The following EPHA3 variants were observed in gnomAD, a reference collection of about 807,000 sequenced individuals.
EPHA3 encodes the protein ephrin type-A receptor 3.
In EPHA3, 42 loss-of-function variants were observed where a neutral mutation model predicts 107.1. The ratio of observed to expected loss-of-function variants is 0.39; its 90% CI spans 0.31 to 0.51. The LOEUF is 0.51. Ranked by LOEUF, EPHA3 falls within the 20% of genes least tolerant of loss-of-function variation. The pLI, the probability that EPHA3 is intolerant of heterozygous loss-of-function variation, is 0.78. For missense variants in EPHA3, 1,183 were observed against 1,211.2 expected (o/e 0.98, Z 0.35); for synonymous variants, 461 against 424.8 (o/e 1.09, Z -1.05).
chr3:89,304,010 C>CT, intron 3 of EPHA3, among the ~76,000 whole-genome samples: 1 of 152,092 alleles, frequency 6.6e-6, no homozygotes, highest in East Asian at 1.9e-4. Context: ...AACTATTGAA[C>CT]ATCTTTAGAC....
intron 2 of EPHA3, among the ~76,000 whole-genome samples, chr3:89,129,105 A>C (rs1004113906): frequency 5.3e-5 from 8 of 152,204 alleles, no homozygotes; most frequent in African/African-American, 1.9e-4. Flanking sequence ...GTGACTCTTT[A>C]GCACATTGAA....
Position 89,429,110 on chromosome 3 carries a change from G to A in EPHA3, c.2079G>A (p.Lys693=). The change falls in exon 12 of 17, where the codon AAG becomes AAA. Residue 693 remains lysine (K), a synonymous_variant. Transcript: ENST00000336596. ...IRLEGVVTKS[K]PVMIVTEYME... is the part of the protein sequence containing the mutation. Reference sequence around the variant, plus strand: ...TATTATTTACTGTATATCTAGGTAAGCCAGTTATGATTGTCACAGAATACA... The same window carrying A: ...TATTATTTACTGTATATCTAGGTAAACCAGTTATGATTGTCACAGAATACA... 3 of 1,607,628 alleles carry A rather than the reference G, an allele frequency of 1.9e-6. No homozygotes were observed. Among genetic ancestry groups the A allele is most frequent in the Non-Finnish European group, 2.6e-6 (3 of 1,174,920 alleles).
chr3:89,368,645 T>A (rs186955108), intron 5 of EPHA3, among the ~76,000 whole-genome samples: 1 of 150,384 alleles, frequency 6.6e-6, no homozygotes, highest in Non-Finnish European at 1.5e-5. Flanking sequence ...AAAGATAGAT[T>A]TCCCAGCTCA....
chr3:89,407,998 A>T (rs979934354), intron 8 of EPHA3, 69 bp from the exon 9 acceptor site: 2 of 1,410,430 alleles, frequency 1.4e-6, no homozygotes, highest in Non-Finnish European at 2.0e-6. Flanking sequence ...TGCTTTGCAC[A>T]TTCTGAGCAT....
Position 89,479,410 on chromosome 3 carries a change from G to A in EPHA3, c.2860G>A (p.Val954Ile), listed in dbSNP as rs776665976. The change falls in exon 17 of 17, where the codon GTT (valine) becomes ATT (isoleucine). Residue 954 changes from valine (V) to isoleucine (I), a missense_variant. Physicochemically the swap from Val to Ile is conservative, Grantham distance 29 (BLOSUM62 3). Coordinates refer to ENST00000336596, the MANE Select transcript of EPHA3 (RefSeq NM_005233.6). ...AKISTDDMKK[V>I]GVTVVGPQKK... ...CTTTTTTTACAGTGACATGAAAAAG[G>A]TTGGTGTCACCGTGGTTGGGCCACA... is the stretch of plus-strand genomic sequence containing the variant. 2 of 1,613,896 alleles carry A rather than the reference G, an allele frequency of 1.2e-6. No individual in the cohort carries two copies. The highest frequency in any genetic ancestry group is 8.5e-7 in the Non-Finnish European group (1 of 1,179,766).
chr3:89,274,672 G>C (rs1316665179), intron 3 of EPHA3, among the ~76,000 whole-genome samples: 1 of 152,000 alleles, frequency 6.6e-6, no homozygotes, highest in Non-Finnish European at 1.5e-5. Flanking sequence ...AGAGCCATCA[G>C]TTTAATATAG....
intron 3 of EPHA3, among the ~76,000 whole-genome samples, chr3:89,264,903 A>T (rs973283764): frequency 9.2e-5 from 14 of 152,190 alleles, no homozygotes; most frequent in Admixed American, 9.2e-4. Flanking sequence ...ATGTACTCTT[A>T]TGCTTTAAAT....
chr3:89,149,925 T>A (rs1227736696), intron 2 of EPHA3, among the ~76,000 whole-genome samples: 1 of 151,940 alleles, frequency 6.6e-6, no homozygotes, highest in African/African-American at 2.4e-5. Flanking sequence ...ATAAACAAAT[T>A]AAATATTTAG....
chr3:89,115,175 A>G (rs1247539417), intron 1 of EPHA3, among the ~76,000 whole-genome samples: 1 of 151,772 alleles, frequency 6.6e-6, no homozygotes, highest in African/African-American at 2.4e-5. Flanking sequence ...TTCTAACCCT[A>G]TCCCTTTACT....
intron 11 of EPHA3, among the ~76,000 whole-genome samples, chr3:89,422,481 C>T (rs1415471037): frequency 3.3e-5 from 5 of 151,312 alleles, no homozygotes; most frequent in African/African-American, 4.8e-5. Context: ...CTGAAACAAC[C>T]TTACTCCTCT....
At chr3:89,187,266 A>G (rs1705589095) in intron 2 of EPHA3, among the ~76,000 whole-genome samples, 1 of 149,546 alleles carries the variant, frequency 6.7e-6, no homozygotes. Flanking sequence ...ATTAATATTT[A>G]TTTATGAATG....
At chr3:89,364,054 A>G (rs2107461709) in intron 5 of EPHA3, among the ~76,000 whole-genome samples, 1 of 150,898 alleles carries the variant, frequency 6.6e-6, no homozygotes. Flanking sequence ...TTTCATGTCA[A>G]CATTACCCTT....
At chr3:89,203,794 A>C (rs1265202181) in intron 2 of EPHA3, among the ~76,000 whole-genome samples, 2 of 151,834 alleles carry the variant, frequency 1.3e-5, no homozygotes, top group Non-Finnish European at 2.9e-5. Flanking sequence ...TAAATAAATA[A>C]AATAAAATAA....
At chr3:89,375,774 A>T (rs1246480967) in intron 5 of EPHA3, among the ~76,000 whole-genome samples, 2 of 151,952 alleles carry the variant, frequency 1.3e-5, no homozygotes, top group Non-Finnish European at 2.9e-5. Flanking sequence ...TTGTACAGAC[A>T]CAAACAAAAT....
At chr3:89,263,482 G>T (rs895199829) in intron 3 of EPHA3, among the ~76,000 whole-genome samples, 1 of 152,168 alleles carries the variant, frequency 6.6e-6, no homozygotes, top group Admixed American at 6.5e-5. Context: ...GGTAAATGCG[G>T]GGGATTTTAT....
chr3:89,238,660 G>T (rs1166657803), intron 3 of EPHA3, among the ~76,000 whole-genome samples: 1 of 152,168 alleles, frequency 6.6e-6, no homozygotes, highest in Non-Finnish European at 1.5e-5. Flanking sequence ...TAGGTTTCGG[G>T]AAACACTGTT....
intron 2 of EPHA3, among the ~76,000 whole-genome samples, chr3:89,181,349 C>T (rs886896474): frequency 3.3e-5 from 5 of 151,858 alleles, no homozygotes; most frequent in Non-Finnish European, 7.4e-5. Flanking sequence ...ATTCTTCTAA[C>T]TTCTACTGAT....
intron 3 of EPHA3, among the ~76,000 whole-genome samples, chr3:89,221,715 A>G (rs1220198284): frequency 6.6e-6 from 1 of 152,208 alleles, no homozygotes; most frequent in Non-Finnish European, 1.5e-5. Context: ...GAACAGGTCT[A>G]AGAAAATTTA....
chr3:89,158,897 T>G (rs967477898), intron 2 of EPHA3, among the ~76,000 whole-genome samples: 1 of 152,134 alleles, frequency 6.6e-6, no homozygotes, highest in African/African-American at 2.4e-5. Flanking sequence ...CTTAATTTTG[T>G]TAAAGAAAAA....
Sources: gnomAD v4.1 joint callset for allele counts (sites outside exome capture counted in the v4.1 genomes callset) on GRCh38, gnomAD v4.1.1 for gene constraint, MANE v1.5 for transcripts, NCBI Gene and HGNC (gene_info 2026-07-23, HGNC 2026-07-21) for gene names.